The following GCN1 variants were observed in gnomAD, a reference collection of about 807,000 sequenced individuals.
GCN1 encodes the protein GCN1 activator of EIF2AK4, also known as stalled ribosome sensor GCN1.
In GCN1, 90 loss-of-function variants were observed where a neutral mutation model predicts 288.4. That is an observed-to-expected ratio of 0.31 (90% confidence interval 0.26 to 0.37). GCN1 has a LOEUF of 0.37. GCN1 is among the 10% of genes least tolerant of loss of function. GCN1 has a pLI of 1.00. For synonymous variants in GCN1, 1,386 were observed against 1,420.2 expected, an observed-to-expected ratio of 0.98 and a Z score of 0.54; for missense variants, 2,586 against 3,419.9, an observed-to-expected ratio of 0.76 and a Z score of 6.08.
Position 120,181,922 on chromosome 12 carries a change from G to A in GCN1, c.426+1647C>T, listed in dbSNP as rs150617566. On this transcript the variant is annotated intron_variant, in intron 5 of 57. Transcript: ENST00000300648. ...TGCACTTTGGGAGGCTGAGACAGAC[G>A]GATCACCTGAGGTCAGGAGTTTGAG... Among the ~76,000 whole-genome samples, 25 of 151,618 alleles carry A rather than the reference G, an allele frequency of 1.6e-4. No homozygotes were observed. In the East Asian group the frequency reaches 3.1e-3, roughly 19 times the overall value.
chr12:120,189,321 T>A (rs1878927834), intron 2 of GCN1, among the ~76,000 whole-genome samples: 1 of 151,634 alleles, frequency 6.6e-6, no homozygotes, highest in South Asian at 2.1e-4. Context: ...TCCACTCGCC[T>A]CGGCCTCCCA....
At chr12:120,171,305 A>C (rs1878307517) in intron 14 of GCN1, among the ~76,000 whole-genome samples, 2 of 151,656 alleles carry the variant, frequency 1.3e-5, no homozygotes, top group African/African-American at 4.8e-5. Flanking sequence ...GTCTCTATTA[A>C]AAAATACAAA....
chr12:120,147,580 A>C lies in GCN1; in HGVS notation c.4727-308T>G, dbSNP rs548829240. The stretch of plus-strand genomic sequence containing the variant: ...GTAAATTTCTGGTTTGCCTATCGGT[A>C]ATGGAGAAGTGTGTTGAAATCTCCC... On this transcript the variant is annotated intron_variant, in intron 37 of 57. Transcript: ENST00000300648. 1.4e-3 allele frequency among the ~76,000 whole-genome samples: 207 copies of C among 152,374 alleles called. 1 individual carries two copies. Among genetic ancestry groups the C allele is most frequent in the Admixed American group, 0.012 (178 of 15,314 alleles).
In GCN1 at chr12:120,147,459, C is replaced by T. The variant is rs142318712; in HGVS notation, c.4727-187G>A. Among the ~76,000 whole-genome samples, 1,385 of 152,350 alleles carry T rather than the reference C, an allele frequency of 9.1e-3. 10 individuals are homozygous for T. Among genetic ancestry groups the T allele is most frequent in the Non-Finnish European group, 0.012 (783 of 68,030 alleles). On this transcript the variant is annotated intron_variant, in intron 37 of 57. Coordinates refer to ENST00000300648, the MANE Select transcript of GCN1 (RefSeq NM_006836.2). ...GAGCAATCCTTGTTTCACTCCAACT[C>T]CTGACCTCAGGTGATCCGCCCGCCT... is the stretch of plus-strand genomic sequence containing the variant.
chr12:120,192,821 G>A (rs2136121948), intron 1 of GCN1, among the ~76,000 whole-genome samples: 1 of 151,968 alleles, frequency 6.6e-6, no homozygotes, highest in South Asian at 2.1e-4. Flanking sequence ...GAGGCGGACA[G>A]ATTGCTTGAG....
At position 120,136,529 on chromosome 12, in the gene GCN1, G is replaced by C. The variant is rs374407747; in HGVS notation, c.6981C>G (p.Leu2327=). ...RFSWNVKAAL[L]ETLSLLLAKV... The stretch of plus-strand genomic sequence containing the variant: ...TAGCCAACAAGAGGCTGAGTGTCTC[G>C]AGCAGAGCCGCCTTCACATTCCAGC... The change falls in exon 51 of 58, where the codon CTC becomes CTG. Residue 2327 remains leucine, a synonymous_variant. Coordinates refer to ENST00000300648, the MANE Select transcript of GCN1 (RefSeq NM_006836.2). 7.4e-6 allele frequency: 12 copies of C among 1,613,972 alleles called. No individual in the cohort carries two copies. Among genetic ancestry groups the C allele is most frequent in the Middle Eastern group, 1.6e-4 (1 of 6,082 alleles).
chr12:120,157,953 G>C lies in GCN1; in HGVS notation c.2983C>G (p.His995Asp). 1 of 1,613,928 alleles carries C rather than the reference G, an allele frequency of 6.2e-7. No individual in the cohort carries two copies. Among genetic ancestry groups the C allele is most frequent in the African/African-American group, 1.3e-5 (1 of 75,060 alleles). The change falls in exon 26 of 58, where the codon CAC becomes GAC. Residue 995 changes from histidine to aspartate, a missense_variant. Physicochemically the swap from His to Asp is moderately conservative, Grantham distance 81 (BLOSUM62 -1). Coordinates refer to ENST00000300648, the MANE Select transcript of GCN1 (RefSeq NM_006836.2). ...ATCCACTCCTCCTCCTCCTCACTGT[G>C]GTGGGGCATCTCCGTCAGCACCATC... is the stretch of plus-strand genomic sequence containing the variant. Reference protein sequence around the residue: ...LKMVLTEMPHHSEEEEEWMAQ... With the variant: ...LKMVLTEMPHDSEEEEEWMAQ...
Position 120,153,329 on chromosome 12 carries a change from G to A in GCN1, c.3946C>T (p.Arg1316Ter), listed in dbSNP as rs1283531605. 6 of 1,613,996 alleles carry A rather than the reference G, an allele frequency of 3.7e-6. No individual in the cohort carries two copies. Among genetic ancestry groups the A allele is most frequent in the Admixed American group, 1.7e-5 (1 of 60,002 alleles). Residue 1316 changes from arginine to a stop codon, truncating the protein, a stop_gained, in exon 33 of 58, where the codon CGA becomes TGA. Transcript: ENST00000300648. LOFTEE classifies it high-confidence loss of function. The surrounding 1 kb of genome is among the most constrained non-coding windows in gnomAD (Gnocchi z 4.4). Reference sequence around the variant, plus strand: ...CCCATCAGGACCACCACACTCTGTCGCACAGCATCATAGCTGGCATCATTG... The same window carrying A: ...CCCATCAGGACCACCACACTCTGTCACACAGCATCATAGCTGGCATCATTG... ...APNDASYDAV[R>*]QSVVVLMGSL...
intron 45 of GCN1, 54 bp downstream of exon 45, chr12:120,140,805 C>G (rs1877164679): frequency 6.4e-7 from 1 of 1,557,264 alleles, no homozygotes; most frequent in African/African-American, 1.4e-5. Context: ...CCCCCGCCCT[C>G]TGAGTCAGGT....
chr12:120,161,376 T>G, intron 22 of GCN1, 114 bp downstream of exon 22: 1 of 710,782 alleles, frequency 1.4e-6, no homozygotes, highest in Non-Finnish European at 2.6e-6. Context: ...CAGAGGAGTG[T>G]GCCATGGGCC....
intron 38 of GCN1, 27 bp from the exon 39 acceptor site, chr12:120,145,357 G>GT: frequency 6.6e-7 from 1 of 1,521,884 alleles, no homozygotes; most frequent in South Asian, 1.3e-5. Context: ...GGCGGCTCAG[G>GT]TGAGGCCCGA....
chr12:120,138,192 G>C, intron 47 of GCN1, 131 bp downstream of exon 47: 1 of 937,296 alleles, frequency 1.1e-6, no homozygotes. Context: ...ACAGGGGAAG[G>C]ATGTAATGCT....
At chr12:120,164,789 C>A in intron 16 of GCN1, 68 bp from the exon 17 acceptor site, 1 of 937,896 alleles carries the variant, frequency 1.1e-6, no homozygotes, top group South Asian at 1.5e-5. Flanking sequence ...TACCAATACC[C>A]AGAAATAACT....
chr12:120,142,508 G>A lies in GCN1; in HGVS notation c.5828C>T (p.Thr1943Met), dbSNP rs749551221. ...CAAAACAAGGCCCAGGAAACTCACC[G>A]TTCTCTTATCTGCACACGTGCTGGC... ...FLASTCADKRTIAARTLGDLV... is the reference protein window; with the variant it reads ...FLASTCADKRMIAARTLGDLV... The change falls in exon 44 of 58, where the codon ACG becomes ATG. Residue 1943 changes from threonine to methionine, a missense_variant and splice_region_variant. By Grantham distance (81) the Thr-to-Met change is moderately conservative (BLOSUM62 -1). Transcript: ENST00000300648. This position sits in a 1 kb window ranked among gnomAD's most constrained non-coding sequence, Gnocchi z 4.9. 16 of 1,612,342 alleles carry A rather than the reference G, an allele frequency of 9.9e-6. No homozygotes were observed. The highest frequency in any genetic ancestry group is 5.0e-5 in the Admixed American group (3 of 59,988).
chr12:120,141,026 G>C lies in GCN1; in HGVS notation c.5830-3C>G. Reference sequence around the variant, plus strand: ...TCTCCCAATGTTCTCGCTGCAATCTGTCAACAGAGACCAATCCAGGAAGTA... The same window carrying C: ...TCTCCCAATGTTCTCGCTGCAATCTCTCAACAGAGACCAATCCAGGAAGTA... On this transcript the variant is annotated splice_polypyrimidine_tract_variant and splice_region_variant and intron_variant, in intron 44 of 57. Coordinates refer to ENST00000300648, the MANE Select transcript of GCN1 (RefSeq NM_006836.2). 1 of 1,610,806 alleles carries C rather than the reference G, an allele frequency of 6.2e-7. No homozygotes were observed. The highest frequency in any genetic ancestry group is 8.5e-7 in the Non-Finnish European group (1 of 1,178,000).
chr12:120,189,613 G>A (rs1204487747), intron 2 of GCN1, among the ~76,000 whole-genome samples: 2 of 147,564 alleles, frequency 1.4e-5, no homozygotes, highest in Admixed American at 1.4e-4. Context: ...GTGATCTGTT[G>A]ACCTCAGCCT....
chr12:120,153,223 G>T lies in GCN1; in HGVS notation c.4052C>A (p.Pro1351His), dbSNP rs1468975879. The change falls in exon 33 of 58, where the codon CCC becomes CAC. Residue 1351 changes from proline (P) to histidine (H), a missense_variant. This residue lies in a region of GCN1 where 332 missense variants were observed against 403.0 expected (regional missense o/e 0.82). Transcript: ENST00000300648. The surrounding 1 kb of genome is among the most constrained non-coding windows in gnomAD (Gnocchi z 4.4). The part of the protein sequence containing the change: ...VAKLIAALST[P>H]SQQVQESVAS... ...CCAGATGGCAGGTACCTGCTGGGAG[G>T]GGGTGGAGAGGGCAGCGATGAGCTT... 6.2e-6 allele frequency: 10 copies of T among 1,613,990 alleles called. No homozygotes were observed. Among genetic ancestry groups the T allele is most frequent in the Non-Finnish European group, 8.5e-6 (10 of 1,179,876 alleles).
intron 2 of GCN1, among the ~76,000 whole-genome samples, chr12:120,188,379 A>G (rs926035068): frequency 1.4e-5 from 2 of 147,788 alleles, no homozygotes; most frequent in Non-Finnish European, 1.5e-5. Flanking sequence ...GGTTGCAGTG[A>G]GCAGAGGTCG....
At position 120,140,777 on chromosome 12, in the gene GCN1, A is replaced by G. The variant is rs2240316; in HGVS notation, c.5994+82T>C. 13,447 of 1,362,734 alleles carry G rather than the reference A, an allele frequency of 9.9e-3. 542 individuals carry two copies. In the East Asian group the frequency reaches 0.1, roughly 10 times the overall value. 84.4% of individuals were successfully genotyped at this position (1,362,734 alleles called of 1,614,324 possible). A position where few individuals can be genotyped will look rare whatever the true frequency, so the allele number is the denominator to read the frequency against. The stretch of plus-strand genomic sequence containing the variant: ...GGCAGCACAAACCCCCTAGAGGTGA[A>G]CCTCCTTCAGTAGCCCTCCCCCGCC... On this transcript the variant is annotated intron_variant, in intron 45 of 57. Transcript: ENST00000300648.
Sources: gnomAD v4.1 joint callset for allele counts (sites outside exome capture counted in the v4.1 genomes callset) on GRCh38, gnomAD v4.1.1 for gene constraint, gnomAD v4.1.1 regional missense constraint, Gnocchi (gnomAD v3.1) non-coding constraint, MANE v1.5 for transcripts, NCBI Gene and HGNC (gene_info 2026-07-23, HGNC 2026-07-21) for gene names.